DDX47: variants seen among roughly 807,000 people sequenced by gnomAD.
The protein encoded by DDX47 is probable ATP-dependent RNA helicase DDX47.
A neutral mutation model predicts 58.8 loss-of-function variants in DDX47; 60 were observed. That is an observed-to-expected ratio of 1.02 (90% CI 0.83 to 1.26). DDX47 has a LOEUF of 1.26. Ranked by LOEUF, DDX47 falls within the 50% of genes most tolerant of loss-of-function variation. The pLI is 0.00. For missense variants in DDX47, 530 were observed against 573.2 expected (o/e 0.92, Z 0.77); for synonymous variants, 197 against 204.6 (o/e 0.96, Z 0.32).
Position 12,826,081 on chromosome 12 carries a change from C to G in DDX47, c.1106+11C>G, listed in dbSNP as rs745865382. The G allele has an allele frequency of 3.7e-6, 6 of 1,612,148 alleles. No individual in the cohort carries two copies. The highest frequency in any genetic ancestry group is 5.1e-6 in the Non-Finnish European group (6 of 1,178,896). ...TACTTTTGTCACACAGTAAGTAAAT[C>G]AGCTTTAGGGCCGAGCAATGTAGAG... On this transcript the variant is annotated intron_variant, in intron 10 of 11. Transcript: ENST00000358007.
chr12:12,826,224 A>T (rs1163804728), intron 10 of DDX47, 154 bp downstream of exon 10: 5 of 541,254 alleles, frequency 9.2e-6, no homozygotes. Context: ...AATAATACCT[A>T]TCTAGCAGGG....
chr12:12,829,340 A>C, intron 11 of DDX47, 83 bp from the exon 12 acceptor site: 1 of 1,461,906 alleles, frequency 6.8e-7, no homozygotes, highest in Non-Finnish European at 9.1e-7. Context: ...TTGATACTTG[A>C]TCTTAAGGAG....
At position 12,814,289 on chromosome 12, in the gene DDX47, G is replaced by A. The variant is rs1365802580; in HGVS notation, c.181+65G>A. ...TCTCAATTAGATACCCCTTTTGAAAGCTGTTGCTTGCATACTTCAAGTGAA... is the reference window on the plus strand; with the variant it reads ...TCTCAATTAGATACCCCTTTTGAAAACTGTTGCTTGCATACTTCAAGTGAA... On this transcript the variant is annotated intron_variant, in intron 2 of 11. Transcript: ENST00000358007. The A allele has an allele frequency of 2.0e-5, 20 of 991,092 alleles. No homozygotes were observed. In the Admixed American group the frequency reaches 2.0e-4, roughly 10 times the overall value. 61.4% of individuals were successfully genotyped at this position (991,092 alleles called of 1,614,324 possible).
rs756505848 is a variant in DDX47 at position 12,814,271 on chromosome 12, T to A, written c.181+47T>A. On this transcript the variant is annotated intron_variant, in intron 2 of 11. Transcript: ENST00000358007. ...AGATTTAATATAAAGTTATCTCAAT[T>A]AGATACCCCTTTTGAAAGCTGTTGC... 1.2e-5 allele frequency: 14 copies of A among 1,158,562 alleles called. No homozygotes were observed. The South Asian group carries it at 1.6e-4, about 13-fold the overall frequency. 71.8% of individuals were successfully genotyped at this position (1,158,562 alleles called of 1,614,324 possible). A position where few individuals can be genotyped will look rare whatever the true frequency, so the allele number is the denominator to read the frequency against.
intron 7 of DDX47, 118 bp downstream of exon 7, chr12:12,823,437 T>C (rs762270712): frequency 2.3e-5 from 16 of 706,938 alleles, no homozygotes; most frequent in Non-Finnish European, 4.0e-5. Context: ...CCTGTCTGTT[T>C]GCTTTAGAGT....
At chr12:12,814,326 G>T (rs1862864068) in intron 2 of DDX47, 102 bp downstream of exon 2, 2 of 777,828 alleles carry the variant, frequency 2.6e-6, no homozygotes, top group East Asian at 5.0e-5. Context: ...TAAGGATATG[G>T]TCACTAAAGG....
At position 12,815,426 on chromosome 12, in the gene DDX47, A is replaced by G. The variant is rs993618558; in HGVS notation, c.181+1202A>G. 3.9e-5 allele frequency among the ~76,000 whole-genome samples: 6 copies of G among 152,324 alleles called. No homozygotes were observed. In the South Asian group the frequency reaches 1.0e-3, roughly 26 times the overall value. ...CAGTCTGTCCTCTCCAAGAGTCTAT[A>G]ATCTATTAAAGAGATAATTATAAAT... On this transcript the variant is annotated intron_variant, in intron 2 of 11. Transcript: ENST00000358007.
chr12:12,817,805 G>T (rs929937079), intron 2 of DDX47, among the ~76,000 whole-genome samples: 9 of 152,198 alleles, frequency 5.9e-5, no homozygotes, highest in African/African-American at 2.2e-4. Flanking sequence ...ACAAACTGAG[G>T]GTTGCTGTGA....
intron 8 of DDX47, 124 bp downstream of exon 8, chr12:12,824,140 T>C: frequency 1.6e-6 from 2 of 1,253,776 alleles, no homozygotes; most frequent in South Asian, 1.5e-5. Flanking sequence ...GTTGTAATTT[T>C]ATGGGCTTTG....
At chr12:12,817,041 G>A (rs1862907239) in intron 2 of DDX47, among the ~76,000 whole-genome samples, 1 of 152,132 alleles carries the variant, frequency 6.6e-6, no homozygotes, top group African/African-American at 2.4e-5. Flanking sequence ...TTATTCTTGG[G>A]TTTGTCTCAT....
At chr12:12,813,611 T>G in intron 1 of DDX47, 157 bp downstream of exon 1, 1 of 717,920 alleles carries the variant, frequency 1.4e-6, no homozygotes, top group Non-Finnish European at 2.3e-6. Flanking sequence ...TCGGACGTGC[T>G]CTGAGTTTGG....
At position 12,821,295 on chromosome 12, in the gene DDX47, C is replaced by G. The variant is rs745491237; in HGVS notation, c.269C>G (p.Pro90Arg). Residue 90 changes from proline (P) to arginine (R), a missense_variant, in exon 3 of 12, where the codon CCG (proline) becomes CGG (arginine). By Grantham distance (103) the Pro-to-Arg change is moderately radical (BLOSUM62 -2). Transcript: ENST00000358007. ...ATTCTAAACGCACTGCTGGAGACCC[C>G]GCAGCGTTTGTTTGCCCTAGTTCTT... Reference protein sequence around the residue: ...LPILNALLETPQRLFALVLTP... With the variant: ...LPILNALLETRQRLFALVLTP... 1.2e-6 allele frequency: 2 copies of G among 1,614,194 alleles called. No homozygotes were observed. The highest frequency in any genetic ancestry group is 1.7e-6 in the Non-Finnish European group (2 of 1,180,036).
chr12:12,818,646 C>G lies in DDX47; in HGVS notation c.182-2562C>G, dbSNP rs375949558. 1.2e-4 allele frequency among the ~76,000 whole-genome samples: 18 copies of G among 152,256 alleles called. No individual in the cohort carries two copies. The East Asian group carries it at 3.5e-3, about 29-fold the overall frequency. ...AAAGAATAGAATTCACTAGGATACA[C>G]TGTATGTTAGTCCTTTTTCACACTG... On this transcript the variant is annotated intron_variant, in intron 2 of 11. Coordinates refer to ENST00000358007, the MANE Select transcript of DDX47 (RefSeq NM_016355.4).
chr12:12,825,245 G>A (rs111985640), intron 9 of DDX47: 32,440 of 152,872 alleles, frequency 0.21, 3,816 homozygotes, highest in Middle Eastern at 0.32. Context: ...GGGATTACAG[G>A]CGTGAGCCAC....
At chr12:12,814,274 A>T (rs1185076096) in intron 2 of DDX47, 50 bp downstream of exon 2, 3 of 1,162,276 alleles carry the variant, frequency 2.6e-6, no homozygotes, top group Non-Finnish European at 3.9e-6. Flanking sequence ...TCTCAATTAG[A>T]TACCCCTTTT....
rs758420900 is a variant in DDX47, at chr12:12,821,635, T to C, written c.371-20T>C. On this transcript the variant is annotated intron_variant, in intron 3 of 11. Coordinates refer to ENST00000358007, the MANE Select transcript of DDX47 (RefSeq NM_016355.4). ...GAAAAAATTAAGGATCTCGTCTCTA[T>C]GTTCTTTTTTTCTCTGTAGCTGTGA... is the stretch of plus-strand genomic sequence containing the variant. 13 of 1,611,054 alleles carry C rather than the reference T, an allele frequency of 8.1e-6. No individual in the cohort carries two copies. The highest frequency in any genetic ancestry group is 1.7e-5 in the Admixed American group (1 of 59,804).
chr12:12,819,822 G>C (rs940345480), intron 2 of DDX47, among the ~76,000 whole-genome samples: 2 of 152,112 alleles, frequency 1.3e-5, no homozygotes, highest in African/African-American at 4.8e-5. Flanking sequence ...CCTTTTGTTA[G>C]TTTCTGAATC....
intron 2 of DDX47, among the ~76,000 whole-genome samples, chr12:12,816,575 T>C (rs888234302): frequency 6.6e-6 from 1 of 152,208 alleles, no homozygotes; most frequent in Non-Finnish European, 1.5e-5. Context: ...ATATACACAC[T>C]GTATCCAAAG....
At chr12:12,820,866 T>A in intron 2 of DDX47, 1 of 296,404 alleles carries the variant, frequency 3.4e-6, no homozygotes, top group Non-Finnish European at 6.4e-6. Flanking sequence ...TCTTCCCTTC[T>A]TTGCTTACTT....
Sources: gnomAD v4.1 joint callset for allele counts (sites outside exome capture counted in the v4.1 genomes callset) on GRCh38, gnomAD v4.1.1 for gene constraint, MANE v1.5 for transcripts, NCBI Gene and HGNC (gene_info 2026-07-23, HGNC 2026-07-21) for gene names.